SLC20A2: variants seen among roughly 807,000 people sequenced by gnomAD.
SLC20A2 encodes sodium-dependent phosphate transporter 2.
In SLC20A2, 30 loss-of-function variants were observed where a neutral mutation model predicts 61.0. The observed-to-expected ratio is 0.49, with a 90% confidence interval of 0.37 to 0.67. The LOEUF (loss-of-function observed/expected upper bound fraction) is 0.67, where lower values mean the gene tolerates loss of function less well. Ranked by LOEUF, SLC20A2 falls within the 30% of genes least tolerant of loss-of-function variation. The probability of loss-of-function intolerance (pLI) is 0.00; values close to 1 mark genes in which losing one functional copy is unlikely to be tolerated. For missense variants in SLC20A2, 626 were observed against 866.4 expected, an observed-to-expected ratio of 0.72 and a Z score of 3.48; for synonymous variants, 351 against 353.3, an observed-to-expected ratio of 0.99 and a Z score of 0.07.
chr8:42,450,190 T>C (rs999082508), intron 5 of SLC20A2, among the ~76,000 whole-genome samples: 1 of 151,524 alleles, frequency 6.6e-6, no homozygotes, highest in Non-Finnish European at 1.5e-5. Context: ...AATATATATA[T>C]ATATTTTTTG....
At chr8:42,496,533 G>T in intron 1 of SLC20A2, among the ~76,000 whole-genome samples, 1 of 152,336 alleles carries the variant, frequency 6.6e-6, no homozygotes, top group East Asian at 1.9e-4. Flanking sequence ...TGACTCTAGA[G>T]AACTCATTAC....
chr8:42,538,589 C>A (rs1316080887), intron 1 of SLC20A2, among the ~76,000 whole-genome samples: 5 of 152,166 alleles, frequency 3.3e-5, no homozygotes, highest in Non-Finnish European at 7.4e-5. Flanking sequence ...CAAAGGTTTA[C>A]ATAGCACTCT....
chr8:42,455,238 A>AT (rs1306436446), intron 5 of SLC20A2, among the ~76,000 whole-genome samples: 17 of 99,350 alleles, frequency 1.7e-4, no homozygotes, highest in African/African-American at 5.3e-4. Flanking sequence ...AAAAAAAAAA[A>AT]AAAATATATA....
intron 1 of SLC20A2, among the ~76,000 whole-genome samples, chr8:42,517,588 T>C (rs1381019497): frequency 1.3e-5 from 2 of 152,146 alleles, no homozygotes; most frequent in African/African-American, 4.8e-5. Flanking sequence ...ATCAATACCA[T>C]GTGGTTCATG....
intron 1 of SLC20A2, among the ~76,000 whole-genome samples, chr8:42,525,936 C>A (rs1220361065): frequency 2.0e-5 from 3 of 152,114 alleles, no homozygotes; most frequent in Non-Finnish European, 4.4e-5. Flanking sequence ...TGAGTATATA[C>A]AGATATAAAT....
At chr8:42,525,799 A>G (rs1236662575) in intron 1 of SLC20A2, among the ~76,000 whole-genome samples, 1 of 152,168 alleles carries the variant, frequency 6.6e-6, no homozygotes, top group East Asian at 1.9e-4. Flanking sequence ...ATTAAGATAT[A>G]AACCCACGAT....
At chr8:42,505,344 T>C (rs966353829), upstream of SLC20A2, among the ~76,000 whole-genome samples, 1 of 151,998 alleles carries the variant, frequency 6.6e-6, no homozygotes, top group Non-Finnish European at 1.5e-5. Context: ...CATAATAGGA[T>C]AGTAAATAAA....
chr8:42,534,672 T>A (rs942443832), intron 1 of SLC20A2: 1 of 152,244 alleles, frequency 6.6e-6, no homozygotes, highest in Non-Finnish European at 1.5e-5. Flanking sequence ...AAAATTATTT[T>A]TAAAAACGTA....
chr8:42,462,949 TGAGTA>T, intron 4 of SLC20A2, 51 bp downstream of exon 4: 1 of 1,072,190 alleles, frequency 9.3e-7, no homozygotes, highest in Non-Finnish European at 1.4e-6. Flanking sequence ...TAATTTCTAC[TGAGTA>T]GAGCCAAAAA....
At chr8:42,460,432 C>A (rs926888467) in intron 4 of SLC20A2, among the ~76,000 whole-genome samples, 1 of 152,242 alleles carries the variant, frequency 6.6e-6, no homozygotes, top group African/African-American at 2.4e-5. Flanking sequence ...AACCTCCAAG[C>A]ATCCTCTAAG....
chr8:42,452,092 G>A (rs1331170173), intron 5 of SLC20A2, among the ~76,000 whole-genome samples: 6 of 139,674 alleles, frequency 4.3e-5, no homozygotes, highest in Non-Finnish European at 7.7e-5. Flanking sequence ...AAGAGGAGGA[G>A]GAAGAGATGA....
chr8:42,418,736 C>T (rs1409161435), intron 10 of SLC20A2, among the ~76,000 whole-genome samples: 4 of 151,698 alleles, frequency 2.6e-5, no homozygotes, highest in Non-Finnish European at 5.9e-5. Flanking sequence ...CGGTGGCTTC[C>T]GCCTGTAATC....
Position 42,459,969 on chromosome 8 carries a change from G to C in SLC20A2, c.540C>G (p.Leu180=). 2 of 1,612,354 alleles carry C rather than the reference G, an allele frequency of 1.2e-6. No homozygotes were observed. Among genetic ancestry groups the C allele is most frequent in the Non-Finnish European group, 1.7e-6 (2 of 1,178,760 alleles). Reference sequence around the variant, plus strand: ...CAGCATAGAATACTGGGAGTGCCCGGAGGCCATTGGGAACAGGGTCTTCCT... The same window carrying C: ...CAGCATAGAATACTGGGAGTGCCCGCAGGCCATTGGGAACAGGGTCTTCCT... ...LKKEDPVPNG[L]RALPVFYAAT... The change falls in exon 5 of 11, where the codon CTC becomes CTG. Residue 180 remains leucine, a synonymous_variant. Coordinates refer to ENST00000520262, the MANE Select transcript of SLC20A2 (RefSeq NM_001257180.2).
At chr8:42,495,157 G>A (rs1022949265) in intron 1 of SLC20A2, among the ~76,000 whole-genome samples, 5 of 151,960 alleles carry the variant, frequency 3.3e-5, no homozygotes, top group East Asian at 1.9e-4. Flanking sequence ...GCCCGGCCAC[G>A]TCTCTTATTT....
chr8:42,494,710 A>G (rs1809784434), intron 1 of SLC20A2, among the ~76,000 whole-genome samples: 1 of 152,234 alleles, frequency 6.6e-6, no homozygotes, highest in African/African-American at 2.4e-5. Context: ...GTTTCTGGGG[A>G]TATTTTATTC....
intron 4 of SLC20A2, among the ~76,000 whole-genome samples, chr8:42,461,937 G>A (rs1050047599): frequency 1.3e-5 from 2 of 152,200 alleles, no homozygotes; most frequent in Non-Finnish European, 2.9e-5. Context: ...GGGCAGTCAT[G>A]GTTTCTGCTC....
In SLC20A2 at chr8:42,472,614, A is replaced by C. The variant is rs747853487; in HGVS notation, c.-224T>G. The C allele has an allele frequency of 2.8e-5, 14 of 497,146 alleles. No homozygotes were observed. The highest frequency in any genetic ancestry group is 5.0e-5 in the Non-Finnish European group (14 of 279,068). The allele number at this position is 497,146 out of a possible 1,614,324, so 30.8% of individuals were successfully genotyped here. On this transcript the variant is annotated 5_prime_UTR_variant, in exon 2 of 11. It removes an upstream start codon present in the reference 5' UTR. Transcript: ENST00000520262. The surrounding 1 kb of genome is among the most constrained non-coding windows in gnomAD (Gnocchi z 4.1). Reference sequence around the variant, plus strand: ...TTCAGTCAGCGGTAAAACACATTCCATATTTTTCCTCCCGATCTGGGAAAG... The same window carrying C: ...TTCAGTCAGCGGTAAAACACATTCCCTATTTTTCCTCCCGATCTGGGAAAG...
intron 5 of SLC20A2, among the ~76,000 whole-genome samples, chr8:42,455,257 T>TATATATATATAGAGAGAGAG (rs1357416749): frequency 2.2e-4 from 18 of 81,606 alleles, no homozygotes; most frequent in African/African-American, 7.5e-4. Context: ...TATATATATA[T>TATATATATATAGAGAGAGAG]AGAGAGAGAG....
In SLC20A2 at chr8:42,472,032, T is replaced by C. The variant is rs1455026127; in HGVS notation, c.289+70A>G. ...AAAGCAAAAATCACATTTATGGATA[T>C]GGGCAAAGTACTGCAGGGAAGCGGG... On this transcript the variant is annotated intron_variant, in intron 2 of 10. Transcript: ENST00000520262. This position sits in a 1 kb window ranked among gnomAD's most constrained non-coding sequence, Gnocchi z 4.1. 7.2e-7 allele frequency: 1 copy of C among 1,396,668 alleles called. No homozygotes were observed. The highest frequency in any genetic ancestry group is 9.9e-7 in the Non-Finnish European group (1 of 1,009,812). 86.5% of individuals were successfully genotyped at this position (1,396,668 alleles called of 1,614,324 possible).
Sources: allele counts gnomAD v4.1 joint callset (sites outside exome capture counted in the v4.1 genomes callset), GRCh38; gene constraint gnomAD v4.1.1; non-coding constraint Gnocchi (gnomAD v3.1); transcripts MANE v1.5; gene names NCBI Gene and HGNC (gene_info 2026-07-23, HGNC 2026-07-21).